ZNF184: variants seen among roughly 807,000 people sequenced by gnomAD.
ZNF184 encodes the protein zinc finger protein 184.
A neutral mutation model predicts 54.4 loss-of-function variants in ZNF184; 16 were observed. The ratio of observed to expected loss-of-function variants is 0.29; its 90% CI spans 0.20 to 0.45. ZNF184 has a LOEUF of 0.45. Among genes scored for constraint, ZNF184 ranks in the 20% least tolerant of loss-of-function variants. The pLI is 1.00. For missense variants in ZNF184, 681 were observed against 888.2 expected (o/e 0.77, Z 2.97); for synonymous variants, 254 against 295.3 (o/e 0.86, Z 1.43).
At chr6:27,440,919 G>C in the ZNF184 span, among the ~76,000 whole-genome samples, 2 of 151,960 alleles carry the variant, frequency 1.3e-5, no homozygotes, top group East Asian at 1.9e-4. Context: ...GCAGAAGAAC[G>C]GCATGAACCC....
the ZNF184 span, among the ~76,000 whole-genome samples, chr6:27,428,488 G>C: frequency 1.3e-5 from 2 of 152,156 alleles, no homozygotes; most frequent in African/African-American, 4.8e-5. The surrounding 1 kb of genome is among the most constrained non-coding windows in gnomAD (Gnocchi z 4.1). Flanking sequence ...ATGAATAAAG[G>C]TCAAGTCTGG....
chr6:27,406,101 T>C, the ZNF184 span: 1 of 152,214 alleles, frequency 6.6e-6, no homozygotes, highest in Non-Finnish European at 1.5e-5. Flanking sequence ...GCTATACATA[T>C]AGCCCTGCAG....
At chr6:27,450,075 T>C (rs1762682961), downstream of ZNF184, among the ~76,000 whole-genome samples, 1 of 152,196 alleles carries the variant, frequency 6.6e-6, no homozygotes, top group South Asian at 2.1e-4. Context: ...AGAGATGTTT[T>C]TGAGAAACAC....
chr6:27,422,153 A>AAAGAAAG, the ZNF184 span, among the ~76,000 whole-genome samples: 172 of 23,626 alleles, frequency 7.3e-3, 20 homozygotes, highest in African/African-American at 0.051. Flanking sequence ...AAAAAAAAAG[A>AAAGAAAG]AAGAAAGAAA....
the ZNF184 span, among the ~76,000 whole-genome samples, chr6:27,438,934 T>G: frequency 1.3e-5 from 2 of 152,234 alleles, no homozygotes; most frequent in Admixed American, 1.3e-4. Context: ...AAAGCTTCAC[T>G]ATTATTTTAT....
chr6:27,459,847 C>T (rs1379772047), intron 3 of ZNF184, among the ~76,000 whole-genome samples: 1 of 152,148 alleles, frequency 6.6e-6, no homozygotes, highest in Admixed American at 6.5e-5. Flanking sequence ...TGATGTATAT[C>T]TATACGTACT....
chr6:27,427,399 G>T, the ZNF184 span, among the ~76,000 whole-genome samples: 10 of 152,282 alleles, frequency 6.6e-5, no homozygotes, highest in Middle Eastern at 0.014. Flanking sequence ...TAACTCAGTA[G>T]CATGCTATAC....
chr6:27,439,132 C>T, the ZNF184 span, among the ~76,000 whole-genome samples: 6 of 152,104 alleles, frequency 3.9e-5, no homozygotes, highest in African/African-American at 1.2e-4. Flanking sequence ...ACCTCCTAAA[C>T]AAGACCCTGA....
At chr6:27,427,774 C>T in the ZNF184 span, among the ~76,000 whole-genome samples, 3 of 152,174 alleles carry the variant, frequency 2.0e-5, no homozygotes, top group South Asian at 2.1e-4. Flanking sequence ...TTGGCTACCA[C>T]GTTTGGTGGT....
At chr6:27,460,257 T>C (rs944194032) in intron 3 of ZNF184, among the ~76,000 whole-genome samples, 4 of 152,232 alleles carry the variant, frequency 2.6e-5, no homozygotes, top group Non-Finnish European at 5.9e-5. Flanking sequence ...GTGGGACCTA[T>C]AGGCAATGCA....
chr6:27,454,718 T>C (rs536453033), intron 5 of ZNF184, among the ~76,000 whole-genome samples: 52 of 152,242 alleles, frequency 3.4e-4, no homozygotes, highest in African/African-American at 1.2e-3. Flanking sequence ...ACAGAATTAC[T>C]AGAATATAAG....
At chr6:27,421,615 A>G in the ZNF184 span, among the ~76,000 whole-genome samples, 1 of 152,228 alleles carries the variant, frequency 6.6e-6, no homozygotes. Flanking sequence ...ACAAAGATAT[A>G]TGTTAAATGA....
the ZNF184 span, among the ~76,000 whole-genome samples, chr6:27,408,914 C>A: frequency 1.3e-5 from 2 of 152,154 alleles, no homozygotes; most frequent in Admixed American, 6.5e-5. Context: ...ATTCACCAAA[C>A]AATGATTAAC....
At chr6:27,438,655 A>G in the ZNF184 span, among the ~76,000 whole-genome samples, 12 of 152,212 alleles carry the variant, frequency 7.9e-5, no homozygotes, top group Admixed American at 2.6e-4. Context: ...CAAACCAAGT[A>G]ACTTGAAATA....
chr6:27,441,627 A>T, the ZNF184 span, among the ~76,000 whole-genome samples: 1 of 152,184 alleles, frequency 6.6e-6, no homozygotes, highest in African/African-American at 2.4e-5. Context: ...TGGTGACACA[A>T]ATCTCCTAGG....
At chr6:27,419,752 C>T in the ZNF184 span, among the ~76,000 whole-genome samples, 1 of 152,278 alleles carries the variant, frequency 6.6e-6, no homozygotes, top group East Asian at 1.9e-4. This position sits in a 1 kb window ranked among gnomAD's most constrained non-coding sequence, Gnocchi z 4.8. Context: ...CCACTTCTCA[C>T]CACTTCCATT....
At chr6:27,408,147 A>G in the ZNF184 span, among the ~76,000 whole-genome samples, 5 of 152,326 alleles carry the variant, frequency 3.3e-5, no homozygotes, top group South Asian at 1.0e-3. Flanking sequence ...GTGAGAAGGG[A>G]TCAAGAGAAA....
rs144461764 is a variant in ZNF184, at chr6:27,466,239, T to C, written c.75+1614A>G. Among the ~76,000 whole-genome samples the C allele has an allele frequency of 2.5e-3, 384 of 152,272 alleles. 1 individual carries two copies. The highest frequency in any genetic ancestry group is 8.4e-3 in the African/African-American group (347 of 41,540). ...AGTAGACAAAGAACACAGCAGCCTC[T>C]AGAAGCTGGAAAAGGCAAGGAATAG... On this transcript the variant is annotated intron_variant, in intron 3 of 5. Transcript: ENST00000683788.
the ZNF184 span, among the ~76,000 whole-genome samples, chr6:27,436,516 C>CG: frequency 2.6e-5 from 4 of 152,148 alleles, no homozygotes; most frequent in Non-Finnish European, 5.9e-5. Flanking sequence ...CTGCTTTTTC[C>CG]TGTATTAAGG....
Sources: allele counts gnomAD v4.1 joint callset (sites outside exome capture counted in the v4.1 genomes callset), GRCh38; gene constraint gnomAD v4.1.1; non-coding constraint Gnocchi (gnomAD v3.1); transcripts MANE v1.5; gene names NCBI Gene and HGNC (gene_info 2026-07-23, HGNC 2026-07-21).